Variants in IRS2 observed in about 807,000 individuals in gnomAD.
IRS2 encodes insulin receptor substrate 2.
Under a neutral mutation model 70.9 loss-of-function variants are expected in IRS2, and 28 were observed. The observed-to-expected ratio is 0.39, with a 90% CI of 0.29 to 0.54. The LOEUF (loss-of-function observed/expected upper bound fraction) is 0.54. Among genes scored for constraint, IRS2 ranks in the 20% least tolerant of loss-of-function variants. The pLI, the probability that IRS2 is intolerant of heterozygous loss-of-function variation, is 0.59. For missense variants in IRS2, 2,081 were observed against 2,024.1 expected (o/e 1.03, Z -0.54); for synonymous variants, 1,217 against 981.9 (o/e 1.24, Z -4.48).
rs373800038 is a variant in IRS2, at chr13:109,784,433, C to T, written c.1621G>A (p.Gly541Arg). ...AGGGGCCTGTCCATGGTCATGTACC[C>T]GTAGAACTCACCGCCGCCGCCGCCG... ...RDGGGGGEFY[G>R]YMTMDRPLSH... Residue 541 changes from glycine to arginine, a missense_variant, in exon 1 of 2, where the codon GGG (glycine) becomes AGG (arginine). Gly to Arg is a moderately radical substitution (Grantham distance 125, BLOSUM62 -2). Transcript: ENST00000375856. The surrounding 1 kb of genome is among the most constrained non-coding windows in gnomAD (Gnocchi z 5.2). 133 of 1,596,362 alleles carry T rather than the reference C, an allele frequency of 8.3e-5. No homozygotes were observed. The highest frequency in any genetic ancestry group is 1.1e-4 in the Non-Finnish European group (130 of 1,169,214).
Position 109,784,793 on chromosome 13 carries a change from C to A in IRS2, c.1261G>T (p.Ala421Ser), listed in dbSNP as rs1389568945. ...CGGCTGTGTTGCAGCGCGCCCCCTG[C>A]CGGCAGCAGCGCCACCTTGCTCCCG... Reference protein sequence around the residue: ...GRGSKVALLPAGGALQHSRSM... With the variant: ...GRGSKVALLPSGGALQHSRSM... The change falls in exon 1 of 2, where the codon GCA (alanine) becomes TCA (serine). Residue 421 changes from alanine to serine, a missense_variant. Physicochemically the swap from Ala to Ser is moderately conservative, Grantham distance 99. This residue lies in a region of IRS2 where 1,615 missense variants were observed against 1,459.5 expected (regional missense o/e 1.11). Coordinates refer to ENST00000375856, the MANE Select transcript of IRS2 (RefSeq NM_003749.3). This position sits in a 1 kb window ranked among gnomAD's most constrained non-coding sequence, Gnocchi z 5.2. The A allele has an allele frequency of 3.2e-6, 4 of 1,266,016 alleles. No individual in the cohort carries two copies. In the East Asian group the frequency reaches 1.4e-4, roughly 44 times the overall value. The allele number at this position is 1,266,016 out of a possible 1,614,324, so 78.4% of individuals were successfully genotyped here.
At chr13:109,779,565 C>T (rs145361364) in intron 1 of IRS2, among the ~76,000 whole-genome samples, 2,030 of 152,278 alleles carry the variant, frequency 0.013, 56 homozygotes, top group African/African-American at 0.046. Flanking sequence ...TTTGGTGCTA[C>T]GTGGACTAAG....
In IRS2 at chr13:109,781,641, G is replaced by A. The variant is rs186280244; in HGVS notation, c.4012+401C>T. On this transcript the variant is annotated intron_variant, in intron 1 of 1. Coordinates refer to ENST00000375856, the MANE Select transcript of IRS2 (RefSeq NM_003749.3). ...GTGAAAGCTGCGGCTGAGGGCAGCG[G>A]TCCGGACCCGAGGTCCTTCCAGAAG... 5.8e-4 allele frequency among the ~76,000 whole-genome samples: 88 copies of A among 152,318 alleles called. 1 individual carries two copies. Among genetic ancestry groups the A allele is most frequent in the Admixed American group, 5.7e-3 (88 of 15,308 alleles).
Position 109,783,313 on chromosome 13 carries a change from T to G in IRS2, c.2741A>C (p.Lys914Thr). ...GATGTTGATGTACTCGCCGGGGCTC[T>G]TGGGCTCCGGTGGCAGTGGGTACTC... ...MHEYPLPPEP[K>T]SPGEYINIDF... Residue 914 changes from lysine to threonine, a missense_variant, in exon 1 of 2, where the codon AAG becomes ACG. Around this residue, in one of 4 missense-constraint regions of IRS2, gnomAD observed 1,615 missense variants for 1,459.5 expected, o/e 1.11. Coordinates refer to ENST00000375856, the MANE Select transcript of IRS2 (RefSeq NM_003749.3). 1 of 1,550,276 alleles carries G rather than the reference T, an allele frequency of 6.5e-7. No individual in the cohort carries two copies. The highest frequency in any genetic ancestry group is 8.6e-7 in the Non-Finnish European group (1 of 1,157,642).
At chr13:109,772,687 C>CT (rs1877479794) in intron 1 of IRS2, among the ~76,000 whole-genome samples, 1 of 114,674 alleles carries the variant, frequency 8.7e-6, no homozygotes, top group Non-Finnish European at 1.8e-5. Context: ...TTGCCTATTA[C>CT]ATTTTTTTTT....
At chr13:109,766,740 G>T in intron 1 of IRS2, among the ~76,000 whole-genome samples, 1 of 113,080 alleles carries the variant, frequency 8.8e-6, no homozygotes, top group Non-Finnish European at 2.0e-5. Flanking sequence ...CAAGCATGTA[G>T]ATATCCCAGC....
In IRS2 at chr13:109,782,507, T is replaced by G; in HGVS notation, c.3547A>C (p.Arg1183=). The G allele has an allele frequency of 6.4e-7, 1 of 1,554,186 alleles. No homozygotes were observed. Among genetic ancestry groups the G allele is most frequent in the Non-Finnish European group, 8.7e-7 (1 of 1,149,630 alleles). ...CCCACGCCGCCCTCGCTGCTTTTCC[T>G]GAGAGAGACATTTTCCACGGAGGCC... ...NSASVENVSL[R]KSSEGGVGVG... is the part of the protein sequence containing the mutation. The change falls in exon 1 of 2, where the codon AGG becomes CGG. Residue 1183 remains arginine, a synonymous_variant. Transcript: ENST00000375856.
intron 1 of IRS2, among the ~76,000 whole-genome samples, chr13:109,772,920 C>T (rs923225043): frequency 1.2e-4 from 18 of 151,936 alleles, no homozygotes; most frequent in African/African-American, 4.4e-4. Flanking sequence ...TGGTCTCGAT[C>T]TCCTGACCTC....
rs572334305 is a variant in IRS2 at position 109,755,821 on chromosome 13, G to A, written c.*483C>T. Reference sequence around the variant, plus strand: ...GGAGGTCCTGTGGGACCCCCGCCACGGAAATCCGGCTTTACCTTGAACTGA... The same window carrying A: ...GGAGGTCCTGTGGGACCCCCGCCACAGAAATCCGGCTTTACCTTGAACTGA... On this transcript the variant is annotated 3_prime_UTR_variant, in exon 2 of 2. Coordinates refer to ENST00000375856, the MANE Select transcript of IRS2 (RefSeq NM_003749.3). 13 of 225,720 alleles carry A rather than the reference G, an allele frequency of 5.8e-5. No individual in the cohort carries two copies. The highest frequency in any genetic ancestry group is 2.7e-4 in the South Asian group (2 of 7,296). 14.0% of individuals were successfully genotyped at this position (225,720 alleles called of 1,614,324 possible).
Position 109,782,752 on chromosome 13 carries a change from G to C in IRS2, c.3302C>G (p.Pro1101Arg). 6.9e-6 allele frequency: 11 copies of C among 1,600,968 alleles called. No homozygotes were observed. The highest frequency in any genetic ancestry group is 9.4e-6 in the Non-Finnish European group (11 of 1,174,324). Residue 1101 changes from proline (P) to arginine (R), a missense_variant, in exon 1 of 2, where the codon CCG (proline) becomes CGG (arginine). This residue lies in a region of IRS2 where 1,615 missense variants were observed against 1,459.5 expected (regional missense o/e 1.11). Coordinates refer to ENST00000375856, the MANE Select transcript of IRS2 (RefSeq NM_003749.3). ...GCTCAGCCTCTTCACGCCCGACGTCGGGCTGGCCACGCGGGCAGCTTCTGG... is the reference window on the plus strand; with the variant it reads ...GCTCAGCCTCTTCACGCCCGACGTCCGGCTGGCCACGCGGGCAGCTTCTGG... ...PKPEAARVASPTSGVKRLSLM... is the reference protein window; with the variant it reads ...PKPEAARVASRTSGVKRLSLM...
chr13:109,770,693 G>T (rs901228174), intron 1 of IRS2, among the ~76,000 whole-genome samples: 3 of 152,156 alleles, frequency 2.0e-5, no homozygotes, highest in African/African-American at 7.2e-5. Context: ...CCAGAAAATG[G>T]TGCCCGGTGG....
Position 109,785,769 on chromosome 13 carries a change from G to T in IRS2, c.285C>A (p.Leu95=), listed in dbSNP as rs779858983. The change falls in exon 1 of 2, where the codon CTC becomes CTA. Residue 95 remains leucine, a synonymous_variant. Transcript: ENST00000375856. The surrounding 1 kb of genome is among the most constrained non-coding windows in gnomAD (Gnocchi z 9.3). ...GCTTGTTGATGTTCAGGCAGCAGTC[G>T]AGAGCGATCACCCGTTTCGGCGCGC... The part of the protein sequence containing the change: ...KAGAPKRVIA[L]DCCLNINKRA... The T allele has an allele frequency of 1.9e-6, 3 of 1,593,104 alleles. No individual in the cohort carries two copies. The highest frequency in any genetic ancestry group is 2.5e-6 in the Non-Finnish European group (3 of 1,176,898).
chr13:109,784,288 TG>T lies in IRS2; in HGVS notation c.1765del (p.Gln589SerfsTer12). On this transcript the variant is annotated frameshift_variant, in exon 1 of 2. Coordinates refer to ENST00000375856, the MANE Select transcript of IRS2 (RefSeq NM_003749.3). LOFTEE classifies it high-confidence loss of function. This position sits in a 1 kb window ranked among gnomAD's most constrained non-coding sequence, Gnocchi z 5.2. ...TTCATCCAGCGAGGCAGAGGAGGGCTGGGGCACCGGCCGCTGCCGGGCTGGC... is the reference window on the plus strand; with the variant it reads ...TTCATCCAGCGAGGCAGAGGAGGGCTGGGCACCGGCCGCTGCCGGGCTGGC... ...TTPARQRPVP[Q>X]PSSASLDEYT... is the part of the protein sequence containing the mutation. 6.3e-7 allele frequency: 1 copy of T among 1,597,814 alleles called. No homozygotes were observed.
Position 109,785,262 on chromosome 13 carries a change from G to A in IRS2, c.792C>T (p.Val264=), listed in dbSNP as rs1008606274. 2 of 1,607,264 alleles carry A rather than the reference G, an allele frequency of 1.2e-6. No homozygotes were observed. The highest frequency in any genetic ancestry group is 1.1e-5 in the South Asian group (1 of 90,220). The change falls in exon 1 of 2, where the codon GTC becomes GTT. Residue 264 remains valine, a synonymous_variant. Transcript: ENST00000375856. The surrounding 1 kb of genome is among the most constrained non-coding windows in gnomAD (Gnocchi z 9.3). Reference sequence around the variant, plus strand: ...GCATCCACAGCTCGCCGGGGCCTGTGACGGCCGAGCGGCCCACCTCGATGA... The same window carrying A: ...GCATCCACAGCTCGCCGGGGCCTGTAACGGCCGAGCGGCCCACCTCGATGA... The part of the protein sequence containing the change: ...FFFIEVGRSA[V]TGPGELWMQA...
rs1877861988 is a variant in IRS2, at chr13:109,784,787, C to T, written c.1267G>A (p.Gly423Ser). The T allele has an allele frequency of 1.6e-6, 2 of 1,265,784 alleles. No homozygotes were observed. Among genetic ancestry groups the T allele is most frequent in the Admixed American group, 3.6e-5 (1 of 27,616 alleles). 78.4% of individuals were successfully genotyped at this position (1,265,784 alleles called of 1,614,324 possible). A position where few individuals can be genotyped will look rare whatever the true frequency, so the allele number is the denominator to read the frequency against. Residue 423 changes from glycine to serine, a missense_variant, in exon 1 of 2, where the codon GGC becomes AGC. Gly to Ser is a moderately conservative substitution (Grantham distance 56). Around this residue, in one of 4 missense-constraint regions of IRS2, gnomAD observed 1,615 missense variants for 1,459.5 expected, o/e 1.11. Coordinates refer to ENST00000375856, the MANE Select transcript of IRS2 (RefSeq NM_003749.3). This position sits in a 1 kb window ranked among gnomAD's most constrained non-coding sequence, Gnocchi z 5.2. ...GSKVALLPAGGALQHSRSMSM... is the reference protein window; with the variant it reads ...GSKVALLPAGSALQHSRSMSM... ...ATGGAGCGGCTGTGTTGCAGCGCGC[C>T]CCCTGCCGGCAGCAGCGCCACCTTG...
At chr13:109,762,193 G>C (rs1454781405) in intron 1 of IRS2, among the ~76,000 whole-genome samples, 1 of 152,222 alleles carries the variant, frequency 6.6e-6, no homozygotes, top group African/African-American at 2.4e-5. Context: ...TGTGCATGAA[G>C]TGAGCTATTC....
intron 1 of IRS2, among the ~76,000 whole-genome samples, chr13:109,780,708 A>G (rs1877676666): frequency 6.6e-6 from 1 of 152,244 alleles, no homozygotes; most frequent in African/African-American, 2.4e-5. Flanking sequence ...TGACCCTTGA[A>G]GACTGTTTAC....
intron 1 of IRS2, among the ~76,000 whole-genome samples, chr13:109,770,579 T>C (rs1054773085): frequency 2.0e-5 from 3 of 152,288 alleles, no homozygotes; most frequent in Non-Finnish European, 4.4e-5. Context: ...CCAGCAAGGA[T>C]ATCCACTGTC....
intron 1 of IRS2, among the ~76,000 whole-genome samples, chr13:109,762,878 G>A (rs1877256332): frequency 6.6e-6 from 1 of 152,194 alleles, no homozygotes; most frequent in African/African-American, 2.4e-5. Flanking sequence ...GAAGCTTTAG[G>A]ACTGCGTGAG....
Sources: allele counts gnomAD v4.1 joint callset (sites outside exome capture counted in the v4.1 genomes callset), GRCh38; gene constraint gnomAD v4.1.1; regional missense constraint gnomAD v4.1.1; non-coding constraint Gnocchi (gnomAD v3.1); transcripts MANE v1.5; gene names NCBI Gene and HGNC (gene_info 2026-07-23, HGNC 2026-07-21).